Variants in PLXDC2 observed in about 807,000 individuals in gnomAD.
The protein encoded by PLXDC2 is plexin domain-containing protein 2.
Under a neutral mutation model 68.9 loss-of-function variants are expected in PLXDC2, and 40 were observed. That is an observed-to-expected ratio of 0.58 (90% CI 0.45 to 0.76). The LOEUF (loss-of-function observed/expected upper bound fraction) is 0.76. Among genes scored for constraint, PLXDC2 ranks in the 30% least tolerant of loss-of-function variants. The pLI, the probability that PLXDC2 is intolerant of heterozygous loss-of-function variation, is 0.00. For synonymous variants in PLXDC2, 243 were observed against 234.2 expected (o/e 1.04, Z -0.34); for missense variants, 644 against 661.9 (o/e 0.97, Z 0.30).
intron 13 of PLXDC2, among the ~76,000 whole-genome samples, chr10:20,272,707 A>C (rs1167862494): frequency 1.3e-5 from 2 of 152,254 alleles, no homozygotes; most frequent in Non-Finnish European, 2.9e-5. Flanking sequence ...TATTATCACC[A>C]TGTACTAAAA....
intron 3 of PLXDC2, among the ~76,000 whole-genome samples, chr10:20,048,856 C>T (rs1018834163): frequency 6.6e-6 from 1 of 152,024 alleles, no homozygotes; most frequent in African/African-American, 2.4e-5. Flanking sequence ...CTGATTGTGT[C>T]ATGAAAAATG....
At chr10:20,030,474 G>A (rs548520148) in intron 2 of PLXDC2, among the ~76,000 whole-genome samples, 1 of 152,162 alleles carries the variant, frequency 6.6e-6, no homozygotes, top group Non-Finnish European at 1.5e-5. Flanking sequence ...CTCTGAAAAG[G>A]AATTTGGAGG....
intron 2 of PLXDC2, among the ~76,000 whole-genome samples, chr10:20,028,425 G>T (rs1029890444): frequency 2.0e-5 from 3 of 152,142 alleles, no homozygotes; most frequent in African/African-American, 2.4e-5. Flanking sequence ...TGAGAGGGAG[G>T]CCTCTCAATT....
At chr10:20,055,865 A>T (rs952448785) in intron 3 of PLXDC2, among the ~76,000 whole-genome samples, 3 of 152,168 alleles carry the variant, frequency 2.0e-5, no homozygotes, top group African/African-American at 7.2e-5. Flanking sequence ...TACTCAGAAC[A>T]TTCGTATAGT....
intron 1 of PLXDC2, among the ~76,000 whole-genome samples, chr10:19,918,371 G>T (rs1833404410): frequency 6.6e-6 from 1 of 152,170 alleles, no homozygotes; most frequent in Admixed American, 6.5e-5. Flanking sequence ...ATAAGCCTAA[G>T]TGACGAGAAG....
intron 2 of PLXDC2, among the ~76,000 whole-genome samples, chr10:20,026,064 G>A (rs1483940003): frequency 6.6e-6 from 1 of 152,014 alleles, no homozygotes; most frequent in African/African-American, 2.4e-5. Flanking sequence ...CTAATGTAGA[G>A]TATTCGATTA....
intron 6 of PLXDC2, among the ~76,000 whole-genome samples, chr10:20,161,427 A>G (rs1834289778): frequency 6.6e-6 from 1 of 151,784 alleles, no homozygotes; most frequent in South Asian, 2.1e-4. Flanking sequence ...AGGAAGTAGT[A>G]AGCAGTTTTT....
chr10:20,034,795 C>A (rs1338943413), intron 2 of PLXDC2, among the ~76,000 whole-genome samples: 2 of 152,160 alleles, frequency 1.3e-5, no homozygotes, highest in African/African-American at 4.8e-5. Flanking sequence ...CAAATGCTTA[C>A]CATTGTGTTA....
intron 2 of PLXDC2, among the ~76,000 whole-genome samples, chr10:20,002,410 C>T (rs1049966521): frequency 4.6e-5 from 7 of 152,068 alleles, no homozygotes; most frequent in African/African-American, 1.7e-4. Flanking sequence ...CAGGCGCATG[C>T]CACCACTTTT....
intron 2 of PLXDC2, among the ~76,000 whole-genome samples, chr10:20,021,714 T>G (rs2131658409): frequency 6.6e-6 from 1 of 151,834 alleles, no homozygotes; most frequent in South Asian, 2.1e-4. Flanking sequence ...ATTTTTATTT[T>G]TTTGAGATGG....
chr10:20,224,391 A>G (rs753139774), intron 12 of PLXDC2, among the ~76,000 whole-genome samples: 1 of 152,214 alleles, frequency 6.6e-6, no homozygotes, highest in Non-Finnish European at 1.5e-5. Context: ...AAATCCTAGA[A>G]GTAGCTGACT....
chr10:20,052,722 C>CAAAAAAAAAAAATAAAGA (rs1835925052), intron 3 of PLXDC2, among the ~76,000 whole-genome samples: 1 of 92,816 alleles, frequency 1.1e-5, no homozygotes, highest in Non-Finnish European at 2.4e-5. Context: ...ACAAATTATG[C>CAAAAAAAAAAAATAAAGA]AAAAAAAAAA....
At chr10:20,123,798 G>C (rs1245050455) in intron 4 of PLXDC2, among the ~76,000 whole-genome samples, 1 of 151,952 alleles carries the variant, frequency 6.6e-6, no homozygotes, top group Non-Finnish European at 1.5e-5. Flanking sequence ...AGATATAAGA[G>C]GTTGGGCGAG....
intron 2 of PLXDC2, among the ~76,000 whole-genome samples, chr10:20,044,207 C>CTCTCTTTCTTTCTT (rs1564293827): frequency 3.3e-5 from 3 of 89,958 alleles, no homozygotes; most frequent in Admixed American, 1.2e-4. Context: ...CTCTCTCTCT[C>CTCTCTTTCTTTCTT]TCTGTCTTTC....
In PLXDC2 at chr10:20,288,077, C is replaced by T. The variant is rs1836183301; in HGVS notation, c.*8258C>T. ...CATTTCAAAGTGGATATAATGGCAC[C>T]CTTTGTCAGAATCACAAAGCTCACT... On this transcript the variant is annotated 3_prime_UTR_variant, in exon 14 of 14. Coordinates refer to ENST00000377252, the MANE Select transcript of PLXDC2 (RefSeq NM_032812.9). 6.6e-6 allele frequency: 1 copy of T among 151,348 alleles called. No individual in the cohort carries two copies. Among genetic ancestry groups the T allele is most frequent in the African/African-American group, 2.4e-5 (1 of 41,062 alleles). The allele number at this position is 151,348 out of a possible 1,614,324, so 9.4% of individuals were successfully genotyped here.
intron 3 of PLXDC2, among the ~76,000 whole-genome samples, chr10:20,052,775 T>C (rs1360569396): frequency 6.7e-6 from 1 of 149,072 alleles, no homozygotes; most frequent in East Asian, 2.0e-4. Flanking sequence ...AAGATTTAGC[T>C]AGGGATAGTC....
intron 1 of PLXDC2, among the ~76,000 whole-genome samples, chr10:19,852,425 C>CAAAAAAAAAAAAAAAAAAAAAAAAAAA (rs61430454): frequency 4.8e-5 from 3 of 61,938 alleles, no homozygotes; most frequent in Non-Finnish European, 8.7e-5. Flanking sequence ...GACCCTGTCT[C>CAAAAAAAAAAAAAAAAAAAAAAAAAAA]AAAAAAAAAA....
At position 20,111,234 on chromosome 10, in the gene PLXDC2, A is replaced by G. The variant is rs192945106; in HGVS notation, c.542-32061A>G. ...GGAATACCTTCTAAAGTGCCTTAAC[A>G]TGTCTCGTATCATTTTCTAGTACTT... On this transcript the variant is annotated intron_variant, in intron 4 of 13. Coordinates refer to ENST00000377252, the MANE Select transcript of PLXDC2 (RefSeq NM_032812.9). Among the ~76,000 whole-genome samples, 200 of 152,324 alleles carry G rather than the reference A, an allele frequency of 1.3e-3. 1 individual carries two copies. The highest frequency in any genetic ancestry group is 1.6e-3 in the Non-Finnish European group (109 of 68,030).
At chr10:20,142,811 A>G (rs2131790719) in intron 4 of PLXDC2, among the ~76,000 whole-genome samples, 1 of 152,140 alleles carries the variant, frequency 6.6e-6, no homozygotes. Flanking sequence ...AGAAAAAAAA[A>G]AAGAATCAAA....
Sources: allele counts gnomAD v4.1 joint callset (sites outside exome capture counted in the v4.1 genomes callset), GRCh38; gene constraint gnomAD v4.1.1; transcripts MANE v1.5; gene names NCBI Gene and HGNC (gene_info 2026-07-23, HGNC 2026-07-21).